Variants in CLSTN2 observed in about 807,000 individuals in gnomAD.
The protein encoded by CLSTN2 is calsyntenin 2.
Under a neutral mutation model 101.2 loss-of-function variants are expected in CLSTN2, and 48 were observed. The observed-to-expected ratio is 0.47, with a 90% CI of 0.38 to 0.60. The LOEUF (loss-of-function observed/expected upper bound fraction) is 0.60. CLSTN2 is among the 20% of genes least tolerant of loss of function. CLSTN2 has a pLI of 0.00. For missense variants in CLSTN2, 1,160 were observed against 1,238.2 expected (o/e 0.94, Z 0.95); for synonymous variants, 481 against 463.6 (o/e 1.04, Z -0.48).
intron 2 of CLSTN2, among the ~76,000 whole-genome samples, chr3:140,268,133 C>G (rs1156824326): frequency 6.6e-6 from 1 of 152,122 alleles, no homozygotes; most frequent in African/African-American, 2.4e-5. Flanking sequence ...CTCACATAGC[C>G]TACTGCCTAG....
intron 2 of CLSTN2, among the ~76,000 whole-genome samples, chr3:140,382,594 A>G (rs935562959): frequency 6.6e-6 from 1 of 152,172 alleles, no homozygotes; most frequent in Non-Finnish European, 1.5e-5. Flanking sequence ...TTTGGGGCCC[A>G]GGTTAACAGG....
At chr3:139,940,180 A>G (rs1422262937) in intron 1 of CLSTN2, among the ~76,000 whole-genome samples, 1 of 152,200 alleles carries the variant, frequency 6.6e-6, no homozygotes, top group African/African-American at 2.4e-5. Flanking sequence ...GATGAGCAGT[A>G]TGCAGTGATT....
At chr3:139,952,204 T>G (rs903210831) in intron 1 of CLSTN2, among the ~76,000 whole-genome samples, 5 of 152,230 alleles carry the variant, frequency 3.3e-5, no homozygotes, top group African/African-American at 1.2e-4. Context: ...CACTAAGGGA[T>G]GTATGTATTT....
intron 2 of CLSTN2, among the ~76,000 whole-genome samples, chr3:140,279,253 G>A (rs571260644): frequency 7.9e-5 from 12 of 152,308 alleles, no homozygotes; most frequent in Middle Eastern, 6.8e-3. Context: ...GCCCAGGGCT[G>A]CAGGCAGAGC....
chr3:140,465,671 T>G (rs1933680180), intron 7 of CLSTN2, among the ~76,000 whole-genome samples: 1 of 152,202 alleles, frequency 6.6e-6, no homozygotes. Context: ...ATTCTTGGGA[T>G]ACATTATGAT....
At chr3:140,062,580 C>T (rs1378466230) in intron 1 of CLSTN2, among the ~76,000 whole-genome samples, 3 of 152,226 alleles carry the variant, frequency 2.0e-5, no homozygotes, top group Non-Finnish European at 2.9e-5. Context: ...GCAGGCAGAG[C>T]TGCAGACTGC....
At chr3:139,947,639 C>T (rs141194991) in intron 1 of CLSTN2, among the ~76,000 whole-genome samples, 2 of 152,084 alleles carry the variant, frequency 1.3e-5, no homozygotes, top group Non-Finnish European at 2.9e-5. Flanking sequence ...TAGCTAAGAC[C>T]CCGATTTCAC....
chr3:140,297,220 ACTGCTCTCCGCAT>A (rs1441596586), intron 2 of CLSTN2, among the ~76,000 whole-genome samples: 1 of 152,194 alleles, frequency 6.6e-6, no homozygotes, highest in Non-Finnish European at 1.5e-5. Context: ...CCGTCCTTGA[ACTGCTCTCCGCAT>A]CAACTCTGAA....
At chr3:140,170,743 G>A (rs1038622111) in intron 1 of CLSTN2, among the ~76,000 whole-genome samples, 1 of 152,162 alleles carries the variant, frequency 6.6e-6, no homozygotes, top group Non-Finnish European at 1.5e-5. Context: ...CAGCAAGCAG[G>A]GTGGTAAGTC....
chr3:140,173,382 G>C (rs534987020), intron 1 of CLSTN2, among the ~76,000 whole-genome samples: 2 of 152,198 alleles, frequency 1.3e-5, no homozygotes. Context: ...GCTTTGCAGG[G>C]TACAGCCTCC....
intron 1 of CLSTN2, among the ~76,000 whole-genome samples, chr3:139,982,569 G>T (rs1460804401): frequency 6.6e-6 from 1 of 152,114 alleles, no homozygotes; most frequent in Non-Finnish European, 1.5e-5. Flanking sequence ...CTGAGAAAGC[G>T]ATGTATGGCA....
intron 1 of CLSTN2, among the ~76,000 whole-genome samples, chr3:140,131,529 C>T (rs969972613): frequency 6.6e-6 from 1 of 152,088 alleles, no homozygotes; most frequent in African/African-American, 2.4e-5. Flanking sequence ...TTGTCAAGTT[C>T]GTAGTTCACA....
At chr3:140,086,400 C>G (rs150016129) in intron 1 of CLSTN2, among the ~76,000 whole-genome samples, 18 of 152,242 alleles carry the variant, frequency 1.2e-4, no homozygotes, top group Middle Eastern at 3.4e-3. Context: ...ATGACTTAAA[C>G]CCTTTGTGAC....
intron 2 of CLSTN2, among the ~76,000 whole-genome samples, chr3:140,298,546 T>C (rs1041403390): frequency 6.6e-6 from 1 of 152,184 alleles, no homozygotes; most frequent in South Asian, 2.1e-4. Flanking sequence ...CTGCTTGTAG[T>C]ATGTCTGGCA....
intron 2 of CLSTN2, among the ~76,000 whole-genome samples, chr3:140,367,448 G>A (rs752667338): frequency 4.1e-5 from 6 of 148,088 alleles, no homozygotes; most frequent in Non-Finnish European, 8.9e-5. Flanking sequence ...GGGAGGCAGA[G>A]GTTGCAGTGA....
chr3:140,079,642 T>C (rs1041293202), intron 1 of CLSTN2, among the ~76,000 whole-genome samples: 6 of 151,790 alleles, frequency 4.0e-5, no homozygotes, highest in Non-Finnish European at 8.8e-5. Context: ...TCCCAGCTAC[T>C]TGGGAGGCTG....
chr3:140,369,985 G>A (rs964759483), intron 2 of CLSTN2, among the ~76,000 whole-genome samples: 2 of 152,236 alleles, frequency 1.3e-5, no homozygotes, highest in East Asian at 3.8e-4. Context: ...CTTTCCATTG[G>A]GTTGTGGGTT....
intron 1 of CLSTN2, among the ~76,000 whole-genome samples, chr3:140,159,096 A>G (rs2010004985): frequency 1.3e-5 from 2 of 152,156 alleles, no homozygotes; most frequent in South Asian, 4.1e-4. Flanking sequence ...AACCTACGAA[A>G]TATTCTTCTC....
At chr3:139,990,883 T>C (rs1170179546) in intron 1 of CLSTN2, among the ~76,000 whole-genome samples, 1 of 152,244 alleles carries the variant, frequency 6.6e-6, no homozygotes, top group African/African-American at 2.4e-5. Context: ...AGATAAACCA[T>C]TTTTATATTA....
Sources: allele counts gnomAD v4.1 joint callset (sites outside exome capture counted in the v4.1 genomes callset), GRCh38; gene constraint gnomAD v4.1.1; transcripts MANE v1.5; gene names NCBI Gene and HGNC (gene_info 2026-07-23, HGNC 2026-07-21).